NOTCH1: variants seen among roughly 807,000 people sequenced by gnomAD.
NOTCH1 encodes the protein notch receptor 1.
In NOTCH1, 37 loss-of-function variants were observed where a neutral mutation model predicts 254.8. That is an observed-to-expected ratio of 0.15 (90% CI 0.11 to 0.19). NOTCH1 has a LOEUF of 0.19. NOTCH1 is among the 10% of genes least tolerant of loss of function. The probability of loss-of-function intolerance (pLI) is 1.00; values close to 1 mark genes in which losing one functional copy is unlikely to be tolerated. For missense variants in NOTCH1, 2,972 were observed against 3,708.6 expected (o/e 0.80, Z 5.16); for synonymous variants, 1,731 against 1,618.1 (o/e 1.07, Z -1.68).
chr9:136,498,666 C>T (rs551168796), intron 33 of NOTCH1, among the ~76,000 whole-genome samples: 8 of 152,306 alleles, frequency 5.3e-5, no homozygotes, highest in South Asian at 4.1e-4. Context: ...GGCGAGCCGC[C>T]GTGTCCTGAC....
chr9:136,502,773 G>C, intron 27 of NOTCH1: 4 of 571,352 alleles, frequency 7.0e-6, no homozygotes, highest in Non-Finnish European at 1.3e-5. Flanking sequence ...CACTCGCACT[G>C]AGCTGTTAAG....
At chr9:136,510,089 G>A in intron 17 of NOTCH1, 128 bp from the exon 18 acceptor site, 1 of 847,030 alleles carries the variant, frequency 1.2e-6, no homozygotes. Flanking sequence ...AAGCAGCCCT[G>A]TGACAAAGGT....
At chr9:136,522,511 G>GTGGT in intron 4 of NOTCH1, 2 of 334,872 alleles carry the variant, frequency 6.0e-6, no homozygotes, top group Admixed American at 4.6e-5. Context: ...GCCCTCTCCG[G>GTGGT]CCCCAGCCCC....
At chr9:136,523,686 C>T (rs770757485) in intron 3 of NOTCH1, 31 bp downstream of exon 3, 1 of 1,580,822 alleles carries the variant, frequency 6.3e-7, no homozygotes, top group Non-Finnish European at 8.6e-7. Flanking sequence ...CCTGGGTCTG[C>T]CCACCCCTCA....
chr9:136,542,557 A>G (rs1843747200), intron 2 of NOTCH1, among the ~76,000 whole-genome samples: 2 of 151,528 alleles, frequency 1.3e-5, no homozygotes, highest in South Asian at 4.2e-4. Flanking sequence ...AAAAAAAAAA[A>G]AAAAAAAAAG....
rs753388966 is a variant in NOTCH1 at position 136,515,477 on chromosome 9, G to A, written c.1903+6C>T. 41 of 1,611,480 alleles carry A rather than the reference G, an allele frequency of 2.5e-5. No homozygotes were observed. The highest frequency in any genetic ancestry group is 1.8e-4 in the East Asian group (8 of 44,870). The stretch of plus-strand genomic sequence containing the variant: ...CCCCCCGCCGGCCACCCGCCTGGCC[G>A]GCCACCTGTGGTCCCCTTCAGGCAG... On this transcript the variant is annotated splice_donor_region_variant and intron_variant, in intron 11 of 33. Transcript: ENST00000651671.
At chr9:136,537,830 C>T (rs537514929) in intron 2 of NOTCH1, among the ~76,000 whole-genome samples, 2 of 152,266 alleles carry the variant, frequency 1.3e-5, no homozygotes, top group South Asian at 2.1e-4. Flanking sequence ...CAGTGGCTCA[C>T]GCCTGTAATC....
chr9:136,498,789 C>G (rs1164974006), intron 33 of NOTCH1, 110 bp downstream of exon 33: 1 of 1,323,758 alleles, frequency 7.6e-7, no homozygotes, highest in Non-Finnish European at 1.1e-6. Flanking sequence ...CAGCGACCCT[C>G]GAGACCCTGT....
rs918523365 is a variant in NOTCH1, at chr9:136,525,658, G to A, written c.141-1679C>T. Among the ~76,000 whole-genome samples, 19 of 152,318 alleles carry A rather than the reference G, an allele frequency of 1.2e-4. No homozygotes were observed. The South Asian group carries it at 1.9e-3, about 15-fold the overall frequency. On this transcript the variant is annotated intron_variant, in intron 2 of 33. Transcript: ENST00000651671. The stretch of plus-strand genomic sequence containing the variant: ...GCCGGCTTCCCACAGGACCCCCACC[G>A]GCCCCCCAAGTCCTCGCCTCCTCTC...
In NOTCH1 at chr9:136,518,837, G is replaced by C. The variant is rs1392660406; in HGVS notation, c.866-13C>G. 6.2e-7 allele frequency: 1 copy of C among 1,610,790 alleles called. No homozygotes were observed. Among genetic ancestry groups the C allele is most frequent in the East Asian group, 2.2e-5 (1 of 44,884 alleles). ...GTACAGTACTGACCTGCAGGGAACAGGAGCTGTCGGCCCCGGGCAGCTGCC... is the reference window on the plus strand; with the variant it reads ...GTACAGTACTGACCTGCAGGGAACACGAGCTGTCGGCCCCGGGCAGCTGCC... On this transcript the variant is annotated splice_polypyrimidine_tract_variant and intron_variant, in intron 5 of 33. Transcript: ENST00000651671.
rs1225177199 is a variant in NOTCH1 at position 136,513,308 on chromosome 9, C to A, written c.2353+84G>T. The stretch of plus-strand genomic sequence containing the variant: ...AGGGAGACACCATGCATGGTGCTGG[C>A]TGGACCTGGGTCCCGATCCTGTGTC... On this transcript the variant is annotated intron_variant, in intron 14 of 33. Coordinates refer to ENST00000651671, the MANE Select transcript of NOTCH1 (RefSeq NM_017617.5). The surrounding 1 kb of genome is among the most constrained non-coding windows in gnomAD (Gnocchi z 4.7). 9 of 1,596,000 alleles carry A rather than the reference C, an allele frequency of 5.6e-6. No individual in the cohort carries two copies. Among genetic ancestry groups the A allele is most frequent in the Non-Finnish European group, 6.8e-6 (8 of 1,168,702 alleles).
intron 31 of NOTCH1, 94 bp from the exon 32 acceptor site, chr9:136,499,353 C>G (rs1226898246): frequency 6.6e-7 from 1 of 1,522,030 alleles, no homozygotes; most frequent in Non-Finnish European, 8.9e-7. Context: ...GCCCCACTGT[C>G]TTCCGGACAC....
chr9:136,518,557 C>T (rs1379376244), intron 6 of NOTCH1, 34 bp downstream of exon 6: 2 of 1,575,688 alleles, frequency 1.3e-6, no homozygotes, highest in Admixed American at 1.7e-5. Context: ...CCCATGTGAG[C>T]CCCCTGCGCC....
intron 16 of NOTCH1, 107 bp downstream of exon 16, chr9:136,511,024 GACCAGGGCCTCCTCAGCACCC>G: frequency 6.8e-7 from 1 of 1,474,256 alleles, no homozygotes; most frequent in Non-Finnish European, 9.3e-7. Flanking sequence ...GAACTTCTCC[GACCAGGGCCTCCTCAGCACCC>G]ACCAGCTCCT....
chr9:136,511,246 G>A lies in NOTCH1; in HGVS notation c.2493C>T (p.Ala831=), dbSNP rs2133354921. The A allele has an allele frequency of 1.9e-6, 3 of 1,612,446 alleles. No individual in the cohort carries two copies. Among genetic ancestry groups the A allele is most frequent in the Non-Finnish European group, 2.5e-6 (3 of 1,179,928 alleles). ...TTCTGCAGGGGCTGGGGGCACACGG[G>A]GCCAGCACCACCTCACACGTGGCAC... ...YTGATCEVVL[A]PCAPSPCRNG... is the part of the protein sequence containing the mutation. Residue 831 remains alanine, a synonymous_variant, in exon 16 of 34, where the codon GCC becomes GCT. Coordinates refer to ENST00000651671, the MANE Select transcript of NOTCH1 (RefSeq NM_017617.5).
Position 136,518,778 on chromosome 9 carries a change from A to C in NOTCH1, c.912T>G (p.Asn304Lys), listed in dbSNP as rs1060504522. The change falls in exon 6 of 34, where the codon AAT becomes AAG. Residue 304 changes from asparagine to lysine, a missense_variant. Transcript: ENST00000651671. ...EDVDECQLMPNACQNGGTCHN... is the reference protein window; with the variant it reads ...EDVDECQLMPKACQNGGTCHN... ...GGCAGGTCCCGCCGTTCTGGCAGGC[A>C]TTTGGCATCAGCTGGCACTCGTCCA... 1.2e-6 allele frequency: 2 copies of C among 1,612,826 alleles called. No homozygotes were observed. Among genetic ancestry groups the C allele is most frequent in the Non-Finnish European group, 1.7e-6 (2 of 1,179,968 alleles).
In NOTCH1 at chr9:136,501,644, A is replaced by C. The variant is rs915114728; in HGVS notation, c.5638+104T>G. On this transcript the variant is annotated intron_variant, in intron 30 of 33. Coordinates refer to ENST00000651671, the MANE Select transcript of NOTCH1 (RefSeq NM_017617.5). Reference sequence around the variant, plus strand: ...CCAAGGATGAAAGCTCTCACCCCCAATTCTAAGTTTCCAGAGTATCAACTG... The same window carrying C: ...CCAAGGATGAAAGCTCTCACCCCCACTTCTAAGTTTCCAGAGTATCAACTG... 28 of 1,414,056 alleles carry C rather than the reference A, an allele frequency of 2.0e-5. No homozygotes were observed. In the Admixed American group the frequency reaches 5.1e-4, roughly 26 times the overall value. The allele number at this position is 1,414,056 out of a possible 1,614,324, so 87.6% of individuals were successfully genotyped here. A position where few individuals can be genotyped will look rare whatever the true frequency, so the allele number is the denominator to read the frequency against.
In NOTCH1 at chr9:136,505,719, C is replaced by T; in HGVS notation, c.4177G>A (p.Gly1393Ser). 6.3e-7 allele frequency: 1 copy of T among 1,599,286 alleles called. No homozygotes were observed. Among genetic ancestry groups the T allele is most frequent in the South Asian group, 1.1e-5 (1 of 89,982 alleles). ...CQFPASSPCL[G>S]GNPCYNQGTC... ...CCCTGGTTGTAGCAGGGGTTGCCGCCCAGGCAGGGGCTGCTGGCCGGGAAC... is the reference window on the plus strand; with the variant it reads ...CCCTGGTTGTAGCAGGGGTTGCCGCTCAGGCAGGGGCTGCTGGCCGGGAAC... The change falls in exon 25 of 34, where the codon GGC becomes AGC. Residue 1393 changes from glycine to serine, a missense_variant. Gly to Ser is a moderately conservative substitution (Grantham distance 56). Transcript: ENST00000651671.
At chr9:136,507,597 C>T (rs573560773) in intron 21 of NOTCH1, among the ~76,000 whole-genome samples, 160 bp from the exon 22 acceptor site, 1 of 152,348 alleles carries the variant, frequency 6.6e-6, no homozygotes, top group African/African-American at 2.4e-5. Flanking sequence ...AGAGACCCAG[C>T]CCAACAGACC....
Sources: allele counts gnomAD v4.1 joint callset (sites outside exome capture counted in the v4.1 genomes callset), GRCh38; gene constraint gnomAD v4.1.1; non-coding constraint Gnocchi (gnomAD v3.1); transcripts MANE v1.5; gene names NCBI Gene and HGNC (gene_info 2026-07-23, HGNC 2026-07-21).